The following NEB variants were observed in gnomAD, a reference collection of about 807,000 sequenced individuals.
NEB encodes the protein nemaline myopathy type 2.
A neutral mutation model predicts 952.2 loss-of-function variants in NEB; 512 were observed. That is an observed-to-expected ratio of 0.54 (90% confidence interval 0.50 to 0.58). The LOEUF (loss-of-function observed/expected upper bound fraction) is 0.58. NEB is among the 20% of genes least tolerant of loss of function. NEB has a pLI of 0.00. For missense variants in NEB, 8,428 were observed against 9,231.1 expected (o/e 0.91, Z 3.56); for synonymous variants, 2,900 against 3,149.8 (o/e 0.92, Z 2.66).
At chr2:151,533,364 G>A (rs2092262413) in intron 143 of NEB, 78 bp downstream of exon 143, 2 of 921,738 alleles carry the variant, frequency 2.2e-6, no homozygotes, top group South Asian at 1.5e-5. Flanking sequence ...AGTGGAAGAG[G>A]AAATCAATGA....
Position 151,560,593 on chromosome 2 carries a change from T to C in NEB, c.19313A>G (p.His6438Arg), listed in dbSNP as rs1015281617. The C allele has an allele frequency of 3.9e-5, 63 of 1,608,178 alleles. No individual in the cohort carries two copies. The highest frequency in any genetic ancestry group is 5.4e-5 in the Non-Finnish European group (63 of 1,177,228). Residue 6438 changes from histidine to arginine, a missense_variant and splice_region_variant, in exon 124 of 182, where the codon CAT becomes CGT. Physicochemically the swap from His to Arg is conservative, Grantham distance 29 (BLOSUM62 0). Around this residue, in one of 11 missense-constraint regions of NEB, gnomAD observed 3,374 missense variants for 3,651.5 expected, o/e 0.92. Coordinates refer to ENST00000397345, the MANE Select transcript of NEB (RefSeq NM_001164508.2). ...CTGTCATGTTTTTGCTTTACTTACA[T>C]GGCTGGCCAGATGCTTCTGGTTCTT... ...HAKNQKHLAS[H>R]IKYREEYEKF...
At position 151,671,209 on chromosome 2, in the gene NEB, A is replaced by C. The variant is rs2099281028; in HGVS notation, c.4320T>G (p.Tyr1440Ter). The change falls in exon 38 of 182, where the codon TAT becomes TAG. Residue 1440 changes from tyrosine (Y) to a stop codon, truncating the protein, a stop_gained. Coordinates refer to ENST00000397345, the MANE Select transcript of NEB (RefSeq NM_001164508.2). LOFTEE classifies it high-confidence loss of function. ...IQSDNVYKDEYNSFLKGIGWI... is the reference protein window; with the variant it reads ...IQSDNVYKDE ...ATCCGATGCCCTTCAAGAAGCTGTT[A>C]TACTCGTCTTTATACACATTCTGTA... 6.2e-7 allele frequency: 1 copy of C among 1,613,590 alleles called. No individual in the cohort carries two copies. Among genetic ancestry groups the C allele is most frequent in the African/African-American group, 1.3e-5 (1 of 74,922 alleles).
In NEB at chr2:151,706,881, G is replaced by A. The variant is rs767328072; in HGVS notation, c.1152C>T (p.Asp384=). 35 of 1,590,056 alleles carry A rather than the reference G, an allele frequency of 2.2e-5. No individual in the cohort carries two copies. The highest frequency in any genetic ancestry group is 8.0e-5 in the African/African-American group (6 of 74,556). The change falls in exon 13 of 182, where the codon GAC becomes GAT. Residue 384 remains aspartate, a splice_region_variant and synonymous_variant. Coordinates refer to ENST00000397345, the MANE Select transcript of NEB (RefSeq NM_001164508.2). ...QLKAAGDALS[D]KLYKENYEKT... ...AACACTTTGACAAAAATATACTTAC[G>A]TCACTTAGGGCATCTCCTGCTGCCT... is the stretch of plus-strand genomic sequence containing the variant.
intron 124 of NEB, among the ~76,000 whole-genome samples, chr2:151,560,300 CCATCCTTACTT>C (rs1209979791): frequency 5.9e-5 from 9 of 152,078 alleles, no homozygotes; most frequent in Admixed American, 5.9e-4. Flanking sequence ...TGTCTTCAGC[CCATCCTTACTT>C]CTGACTCTAG....
At chr2:151,601,358 C>T (rs1298772069) in intron 88 of NEB, among the ~76,000 whole-genome samples, 2 of 145,074 alleles carry the variant, frequency 1.4e-5, no homozygotes, top group African/African-American at 2.6e-5. Flanking sequence ...ATCCACCCGC[C>T]TTGGCCTCCC....
chr2:151,565,199 T>G, intron 116 of NEB, 51 bp from the exon 117 acceptor site: 5 of 963,226 alleles, frequency 5.2e-6, no homozygotes, highest in Non-Finnish European at 7.7e-6. Context: ...TATTAAATTT[T>G]TATAAGATTA....
chr2:151,509,039 C>T (rs1437666052), intron 161 of NEB, among the ~76,000 whole-genome samples: 2 of 152,132 alleles, frequency 1.3e-5, no homozygotes, highest in Non-Finnish European at 2.9e-5. Context: ...GGGCTGAGGG[C>T]TGAGGAATGA....
chr2:151,726,467 T>C (rs934420562), intron 5 of NEB, among the ~76,000 whole-genome samples: 5 of 152,200 alleles, frequency 3.3e-5, no homozygotes, highest in African/African-American at 1.2e-4. Context: ...TGACATAAAC[T>C]TTAGTCTTAT....
chr2:151,715,133 C>A (rs751732546), intron 10 of NEB, among the ~76,000 whole-genome samples: 8 of 152,182 alleles, frequency 5.3e-5, no homozygotes, highest in Non-Finnish European at 1.0e-4. Context: ...TTCAAAGTAC[C>A]CAACACTGTC....
chr2:151,492,198 C>T lies in NEB; in HGVS notation c.24957G>A (p.Lys8319=). The change falls in exon 178 of 182, where the codon AAG becomes AAA. Residue 8319 remains lysine, a synonymous_variant. Transcript: ENST00000397345. ...VTDPITERVK[K]NMQDFSDINY... ...TAATGTCACTGAAGTCCTGCATGTT[C>T]TTCTTTACTCGTTCAGTGATAGGAT... 6.2e-7 allele frequency: 1 copy of T among 1,613,876 alleles called. No individual in the cohort carries two copies. The highest frequency in any genetic ancestry group is 1.3e-5 in the African/African-American group (1 of 75,044).
chr2:151,572,888 A>C (rs950743253), intron 107 of NEB, among the ~76,000 whole-genome samples: 2 of 151,016 alleles, frequency 1.3e-5, no homozygotes, highest in Non-Finnish European at 3.0e-5. Context: ...AAAAAAAAAA[A>C]GCCCGGGGCC....
chr2:151,672,358 C>A lies in NEB; in HGVS notation c.4299+11G>T, dbSNP rs779867787. 3 of 1,574,430 alleles carry A rather than the reference C, an allele frequency of 1.9e-6. No individual in the cohort carries two copies. The highest frequency in any genetic ancestry group is 2.6e-6 in the Non-Finnish European group (3 of 1,155,516). On this transcript the variant is annotated intron_variant, in intron 37 of 181. Transcript: ENST00000397345. ...GCAAACATCTCTGGGTCTGTTGTTA[C>A]ACATACTTACATCACTCTGAATTTG...
chr2:151,636,450 G>C, intron 63 of NEB, 116 bp from the exon 64 acceptor site: 1 of 834,700 alleles, frequency 1.2e-6, no homozygotes, highest in Middle Eastern at 3.0e-4. Flanking sequence ...TTTCTTTTGA[G>C]AGTTCTAAGC....
rs371204200 is a variant in NEB at position 151,532,356 on chromosome 2, TCATAA to T, written c.21418-465_21418-461del. 2.6e-5 allele frequency among the ~76,000 whole-genome samples: 4 copies of T among 152,310 alleles called. No individual in the cohort carries two copies. In the East Asian group the frequency reaches 5.8e-4, roughly 22 times the overall value. On this transcript the variant is annotated intron_variant, in intron 143 of 181. Transcript: ENST00000397345. ...TGGAGTCTGACAAATATTGTTTTAC[TCATAA>T]CATATTGTATTGAACATGTACAATC... is the stretch of plus-strand genomic sequence containing the variant.
In NEB at chr2:151,672,641, G is replaced by C; in HGVS notation, c.4027C>G (p.His1343Asp). The change falls in exon 37 of 182, where the codon CAT becomes GAT. Residue 1343 changes from histidine (H) to aspartate (D), a missense_variant. His to Asp is a moderately conservative substitution (Grantham distance 81). Around this residue, in one of 11 missense-constraint regions of NEB, gnomAD observed 2,851 missense variants for 2,791.5 expected, o/e 1.02. Transcript: ENST00000397345. ...KEAYEKSKGKHVGFRSLQDDP... is the reference protein window; with the variant it reads ...KEAYEKSKGKDVGFRSLQDDP... ...TCCTGGAGGCTTCTGAAACCCACAT[G>C]CTTTCCCTTTGACTTCTCATAAGCT... 2 of 1,613,914 alleles carry C rather than the reference G, an allele frequency of 1.2e-6. No individual in the cohort carries two copies. Among genetic ancestry groups the C allele is most frequent in the Non-Finnish European group, 1.7e-6 (2 of 1,179,846 alleles).
chr2:151,671,023 A>G lies in NEB; in HGVS notation c.4506T>C (p.Asp1502=). 1.9e-6 allele frequency: 3 copies of G among 1,613,046 alleles called. No homozygotes were observed. The highest frequency in any genetic ancestry group is 2.5e-6 in the Non-Finnish European group (3 of 1,178,968). The change falls in exon 38 of 182, where the codon GAT becomes GAC. Residue 1502 remains aspartate (D), a splice_region_variant and synonymous_variant. Coordinates refer to ENST00000397345, the MANE Select transcript of NEB (RefSeq NM_001164508.2). ...ATCATTTTGAAAGGAAAGCACTCAC[A>G]TCACTTAGCTGCTTTGTGTTATGCT... ...LAQHNTKQLS[D]LNYKVEGEKL...
Position 151,669,121 on chromosome 2 carries a change from T to A in NEB, c.4517A>T (p.Lys1506Met). 1 of 1,575,512 alleles carries A rather than the reference T, an allele frequency of 6.3e-7. No homozygotes were observed. The highest frequency in any genetic ancestry group is 1.2e-5 in the South Asian group (1 of 86,102). Residue 1506 changes from lysine (K) to methionine (M), a missense_variant, in exon 39 of 182, where the codon AAG (lysine) becomes ATG (methionine). Transcript: ENST00000397345. ...NTKQLSDLNYKVEGEKLKHKY... is the reference protein window; with the variant it reads ...NTKQLSDLNYMVEGEKLKHKY... ...GTGCTTCAGTTTCTCTCCCTCTACC[T>A]TGTAGTTCAACTAAAAACAAAGGAG...
At chr2:151,503,885 A>G (rs781054179) in intron 165 of NEB, among the ~76,000 whole-genome samples, 3 of 152,152 alleles carry the variant, frequency 2.0e-5, no homozygotes, top group African/African-American at 4.8e-5. Context: ...GTATGTTCTA[A>G]TGAATGTTCC....
chr2:151,497,450 G>T, intron 171 of NEB, 176 bp downstream of exon 171: 1 of 981,750 alleles, frequency 1.0e-6, no homozygotes, highest in Non-Finnish European at 1.2e-6. Flanking sequence ...CTGTATTATA[G>T]AAATGGGAAT....
Sources: allele counts gnomAD v4.1 joint callset (sites outside exome capture counted in the v4.1 genomes callset), GRCh38; gene constraint gnomAD v4.1.1; regional missense constraint gnomAD v4.1.1; transcripts MANE v1.5; gene names NCBI Gene and HGNC (gene_info 2026-07-23, HGNC 2026-07-21).